The following WDFY4 variants were observed in gnomAD, a reference collection of about 807,000 sequenced individuals.
WDFY4 encodes the protein WD repeat- and FYVE domain-containing protein 4.
A neutral mutation model predicts 351.9 loss-of-function variants in WDFY4; 169 were observed. The observed-to-expected ratio is 0.48, with a 90% confidence interval of 0.42 to 0.55. The LOEUF (loss-of-function observed/expected upper bound fraction) is 0.55, where lower values mean the gene tolerates loss of function less well. Among genes scored for constraint, WDFY4 ranks in the 20% least tolerant of loss-of-function variants. WDFY4 has a pLI of 0.00. For missense variants in WDFY4, 3,803 were observed against 3,935.6 expected (o/e 0.97, Z 0.90); for synonymous variants, 1,622 against 1,574.6 (o/e 1.03, Z -0.71).
At chr10:48,885,834 C>A (rs1214978497) in intron 43 of WDFY4, among the ~76,000 whole-genome samples, 1 of 152,018 alleles carries the variant, frequency 6.6e-6, no homozygotes, top group Non-Finnish European at 1.5e-5. Context: ...ATGACGAATT[C>A]TCTGTCTAAA....
intron 40 of WDFY4, 34 bp downstream of exon 40, chr10:48,867,376 C>A (rs765727857): frequency 1.5e-6 from 2 of 1,350,482 alleles, no homozygotes; most frequent in Non-Finnish European, 2.0e-6. Context: ...CTCTATACAG[C>A]AAGCTGGAAT....
chr10:48,918,274 A>T (rs1222328907), intron 47 of WDFY4, among the ~76,000 whole-genome samples: 1 of 152,218 alleles, frequency 6.6e-6, no homozygotes, highest in African/African-American at 2.4e-5. Flanking sequence ...GCTCCAATTA[A>T]AAGACACAAT....
chr10:48,897,990 A>G (rs777849267), intron 45 of WDFY4, among the ~76,000 whole-genome samples: 1 of 152,016 alleles, frequency 6.6e-6, no homozygotes, highest in Non-Finnish European at 1.5e-5. Context: ...CCTTGCTGAC[A>G]TACTCTCCCC....
At chr10:48,820,080 T>C (rs1007968513) in intron 32 of WDFY4, among the ~76,000 whole-genome samples, 154 bp from the exon 33 acceptor site, 2 of 152,192 alleles carry the variant, frequency 1.3e-5, no homozygotes, top group African/African-American at 4.8e-5. Flanking sequence ...TATGAGCAGC[T>C]GGATCCTGGG....
intron 47 of WDFY4, chr10:48,913,430 T>A: frequency 1.2e-6 from 2 of 1,613,026 alleles, no homozygotes; most frequent in Non-Finnish European, 8.5e-7. Flanking sequence ...TGGAATTGGG[T>A]GAGATCAGAT....
intron 53 of WDFY4, among the ~76,000 whole-genome samples, chr10:48,962,260 A>G (rs756922912): frequency 6.6e-6 from 1 of 152,174 alleles, no homozygotes; most frequent in Non-Finnish European, 1.5e-5. Context: ...TACCCCTCGT[A>G]TGACATGACT....
rs781599833 is a variant in WDFY4 at position 48,959,805 on chromosome 10, C to A, written c.8215C>A (p.His2739Asn). The change falls in exon 53 of 62, where the codon CAC becomes AAC. Residue 2739 changes from histidine (H) to asparagine (N), a missense_variant. Around this residue, in one of 3 missense-constraint regions of WDFY4, gnomAD observed 3,054 missense variants for 3,148.6 expected, o/e 0.97. Transcript: ENST00000325239. Reference protein sequence around the residue: ...DGDPRKFISLHRKALESDFVS... With the variant: ...DGDPRKFISLNRKALESDFVS... Reference sequence around the variant, plus strand: ...GGACCCTCGGAAATTCATCAGCCTGCACAGAAAGGTGAGTCAGGCCAGGAC... The same window carrying A: ...GGACCCTCGGAAATTCATCAGCCTGAACAGAAAGGTGAGTCAGGCCAGGAC... 5.2e-6 allele frequency: 8 copies of A among 1,550,078 alleles called. No individual in the cohort carries two copies. In the South Asian group the frequency reaches 9.5e-5, roughly 18 times the overall value.
chr10:48,957,362 C>T, intron 52 of WDFY4, 80 bp downstream of exon 52: 4 of 1,502,324 alleles, frequency 2.7e-6, no homozygotes, highest in Non-Finnish European at 9.0e-7. Flanking sequence ...TGACCAACAT[C>T]ATCTGGACCT....
intron 16 of WDFY4, 63 bp from the exon 17 acceptor site, chr10:48,777,356 A>G (rs1255326988): frequency 2.8e-6 from 4 of 1,414,404 alleles, no homozygotes; most frequent in Non-Finnish European, 3.9e-6. Flanking sequence ...GGCCCAGACT[A>G]GCTGTGTCAG....
chr10:48,895,715 G>A (rs1414008076), intron 44 of WDFY4, among the ~76,000 whole-genome samples: 1 of 152,172 alleles, frequency 6.6e-6, no homozygotes, highest in Non-Finnish European at 1.5e-5. Context: ...TTCTCTTTGG[G>A]AATAAATATT....
chr10:48,727,208 C>A (rs1298947710), intron 6 of WDFY4, among the ~76,000 whole-genome samples: 2 of 152,232 alleles, frequency 1.3e-5, no homozygotes, highest in Non-Finnish European at 2.9e-5. Flanking sequence ...CTGGACTCCC[C>A]CTTCTTGCTG....
At chr10:48,895,422 G>A (rs1048025958) in intron 44 of WDFY4, among the ~76,000 whole-genome samples, 4 of 152,220 alleles carry the variant, frequency 2.6e-5, no homozygotes, top group African/African-American at 9.6e-5. Context: ...ACCACCTTGG[G>A]GCAGGGGCCT....
chr10:48,795,087 A>G (rs923536182), intron 23 of WDFY4, among the ~76,000 whole-genome samples: 1 of 152,148 alleles, frequency 6.6e-6, no homozygotes, highest in Admixed American at 6.5e-5. Context: ...AGTTATCTCA[A>G]AGAGCAGTGT....
At chr10:48,959,022 T>C (rs1258591462) in intron 52 of WDFY4, among the ~76,000 whole-genome samples, 1 of 152,224 alleles carries the variant, frequency 6.6e-6, no homozygotes, top group Non-Finnish European at 1.5e-5. Context: ...AAGCATGTAA[T>C]GTGTATTTTC....
chr10:48,835,106 T>TAAGTTACAGAGCACTTACTCTGTA lies in WDFY4; in HGVS notation c.6663+2398_6663+2399insAGTTACAGAGCACTTACTCTGTAA, dbSNP rs941257422. Among the ~76,000 whole-genome samples, 7 of 152,340 alleles carry TAAGTTACAGAGCACTTACTCTGTA rather than the reference T, an allele frequency of 4.6e-5. No homozygotes were observed. In the South Asian group the frequency reaches 6.2e-4, roughly 14 times the overall value. On this transcript the variant is annotated intron_variant, in intron 39 of 61. Coordinates refer to ENST00000325239, the MANE Select transcript of WDFY4 (RefSeq NM_001394531.1). ...AAATATTTATTGAGCACTTACTCTG[T>TAAGTTACAGAGCACTTACTCTGTA]ACCCTGCTCTCAGCATTGAGGTTAC...
intron 39 of WDFY4, among the ~76,000 whole-genome samples, chr10:48,841,394 C>T (rs1296174027): frequency 2.0e-5 from 3 of 151,182 alleles, no homozygotes; most frequent in African/African-American, 7.3e-5. Flanking sequence ...CATATCACAA[C>T]TGATTTTTTT....
In WDFY4 at chr10:48,767,808, G is replaced by A. The variant is rs115509488; in HGVS notation, c.2554-6650G>A. Among the ~76,000 whole-genome samples, 411 of 152,310 alleles carry A rather than the reference G, an allele frequency of 2.7e-3. 2 individuals are homozygous for A. The highest frequency in any genetic ancestry group is 9.1e-3 in the African/African-American group (379 of 41,560). On this transcript the variant is annotated intron_variant, in intron 13 of 61. Coordinates refer to ENST00000325239, the MANE Select transcript of WDFY4 (RefSeq NM_001394531.1). ...TCAGTAATAGTCCCAAGTGAAGTGA[G>A]GACATCATATAATGAATTTCACCTT...
chr10:48,725,754 C>T (rs1347452987), intron 5 of WDFY4, 127 bp from the exon 6 acceptor site: 1 of 1,016,348 alleles, frequency 9.8e-7, no homozygotes, highest in South Asian at 1.6e-5. Context: ...GAGGGTGACC[C>T]CATTCAATCC....
chr10:48,723,299 A>T (rs2064153252), intron 4 of WDFY4, 134 bp from the exon 5 acceptor site: 1 of 1,146,366 alleles, frequency 8.7e-7, no homozygotes, highest in Admixed American at 2.9e-5. Flanking sequence ...TCAGCATTTC[A>T]CACTTGAGGA....
Sources: gnomAD v4.1 joint callset for allele counts (sites outside exome capture counted in the v4.1 genomes callset) on GRCh38, gnomAD v4.1.1 for gene constraint, gnomAD v4.1.1 regional missense constraint, MANE v1.5 for transcripts, NCBI Gene and HGNC (gene_info 2026-07-23, HGNC 2026-07-21) for gene names.